The following ENDOV variants were observed in gnomAD, a reference collection of about 807,000 sequenced individuals.
ENDOV encodes the protein endonuclease V.
ENDOV carries 37 observed loss-of-function variants against 39.4 expected under a neutral mutation model. The ratio of observed to expected loss-of-function variants is 0.94; its 90% CI spans 0.72 to 1.23. The LOEUF (loss-of-function observed/expected upper bound fraction) is 1.23. Among genes scored for constraint, ENDOV ranks in the 50% most tolerant of loss-of-function variants. The pLI, the probability that ENDOV is intolerant of heterozygous loss-of-function variation, is 0.00. For missense variants in ENDOV, 441 were observed against 375.7 expected (o/e 1.17, Z -1.44); for synonymous variants, 186 against 163.4 (o/e 1.14, Z -1.05).
intron 8 of ENDOV, 58 bp from the exon 9 acceptor site, chr17:80,429,715 G>A (rs1046549325): frequency 1.5e-5 from 22 of 1,505,690 alleles, no homozygotes; most frequent in South Asian, 5.0e-5. Context: ...TGGGGTGTGA[G>A]GGGGTGTCAG....
At chr17:80,428,355 T>C in intron 7 of ENDOV, 1 of 549,166 alleles carries the variant, frequency 1.8e-6, no homozygotes, top group Non-Finnish European at 3.3e-6. Flanking sequence ...ACTCAGGCCC[T>C]TCAGGGACTG....
At chr17:80,415,452 C>A in intron 1 of ENDOV, 198 bp from the exon 2 acceptor site, 1 of 986,378 alleles carries the variant, frequency 1.0e-6, no homozygotes, top group Non-Finnish European at 1.5e-6. Flanking sequence ...CGCTTCCGGC[C>A]AGTTTGTCTG....
intron 8 of ENDOV, among the ~76,000 whole-genome samples, chr17:80,429,068 C>T (rs945383015): frequency 1.3e-5 from 2 of 152,206 alleles, no homozygotes; most frequent in Non-Finnish European, 2.9e-5. Context: ...TTGCACTCTT[C>T]GAGCCTCAGC....
At chr17:80,428,198 G>A (rs1432608857) in intron 7 of ENDOV, among the ~76,000 whole-genome samples, 1 of 152,238 alleles carries the variant, frequency 6.6e-6, no homozygotes, top group African/African-American at 2.4e-5. Flanking sequence ...AGCCCCCAGA[G>A]AAGCAAGTGT....
chr17:80,428,564 T>C, intron 7 of ENDOV, 32 bp from the exon 8 acceptor site: 1 of 1,561,498 alleles, frequency 6.4e-7, no homozygotes, highest in South Asian at 1.2e-5. Context: ...AGAGACCAGC[T>C]CAGCACCCAG....
chr17:80,420,910 C>G (rs2081920566), intron 2 of ENDOV, among the ~76,000 whole-genome samples: 1 of 152,226 alleles, frequency 6.6e-6, no homozygotes, highest in South Asian at 2.1e-4. Context: ...CTCCCAACCT[C>G]AGGTGATCGT....
rs1046976274 is a variant in ENDOV at position 80,415,199 on chromosome 17, C to T, written c.5C>T (p.Ala2Val). Residue 2 changes from alanine (A) to valine (V), a missense_variant, in exon 1 of 10, where the codon GCC becomes GTC. Transcript: ENST00000518137. M[A>V]LEAAGGPPEE... The stretch of plus-strand genomic sequence containing the variant: ...AGGGGTGCCCGGGACGAAGCCATGG[C>T]CCTGGAGGCGGCGGGAGGGCCGCCG... 1.1e-5 allele frequency: 17 copies of T among 1,613,178 alleles called. No individual in the cohort carries two copies. In the African/African-American group the frequency reaches 2.0e-4, roughly 19 times the overall value.
rs1328361268 is a variant in ENDOV at position 80,421,269 on chromosome 17, AATCTTCCTATGGACCGGGTCCCG to A, written c.229-558_229-536del. Among the ~76,000 whole-genome samples, 269 of 151,888 alleles carry A rather than the reference AATCTTCCTATGGACCGGGTCCCG, an allele frequency of 1.8e-3. 3 individuals carry two copies. The highest frequency in any genetic ancestry group is 5.1e-4 in the African/African-American group (21 of 41,354). On this transcript the variant is annotated intron_variant, in intron 2 of 9. Coordinates refer to ENST00000518137, the MANE Select transcript of ENDOV (RefSeq NM_173627.5). ...TCATCCTATGAACTAGATCCCGGGGAATCTTCCTATGGACCGGGTCCCGGGGAATCCTCATACAGACCAGATCC... is the reference window on the plus strand; with the variant it reads ...TCATCCTATGAACTAGATCCCGGGGAGGGAATCCTCATACAGACCAGATCC...
intron 7 of ENDOV, chr17:80,427,732 T>C: frequency 1.6e-6 from 2 of 1,289,224 alleles, no homozygotes; most frequent in Non-Finnish European, 2.0e-6. Context: ...GTTGGTCTGC[T>C]CTCTCCCTGG....
Position 80,421,905 on chromosome 17 carries a change from C to G in ENDOV, c.306C>G (p.Pro102=). ...GCTTCCTGGCCTTCCGAGAGGTGCC[C>G]TTCTTGCTGGAGCTGGTGCAGCAGC... is the stretch of plus-strand genomic sequence containing the variant. ...VSGFLAFREV[P]FLLELVQQLR... is the part of the protein sequence containing the mutation. The change falls in exon 3 of 10, where the codon CCC becomes CCG. Residue 102 remains proline (P), a synonymous_variant. Transcript: ENST00000518137. 2 of 1,611,024 alleles carry G rather than the reference C, an allele frequency of 1.2e-6. No homozygotes were observed. The highest frequency in any genetic ancestry group is 2.2e-5 in the East Asian group (1 of 44,828).
At chr17:80,431,936 C>T (rs143785605) in intron 9 of ENDOV, among the ~76,000 whole-genome samples, 99 of 152,228 alleles carry the variant, frequency 6.5e-4, no homozygotes, top group Non-Finnish European at 1.1e-3. Flanking sequence ...AGTTGACAGC[C>T]GGTGAGGCCG....
At position 80,415,295 on chromosome 17, in the gene ENDOV, G is replaced by A. The variant is rs779555034; in HGVS notation, c.56+45G>A. Reference sequence around the variant, plus strand: ...CGCAGGAGGCGGGGGCCGAGGCCGGGCGGCCCTTCGCGGACCCTCCGAGCT... The same window carrying A: ...CGCAGGAGGCGGGGGCCGAGGCCGGACGGCCCTTCGCGGACCCTCCGAGCT... On this transcript the variant is annotated intron_variant, in intron 1 of 9. Transcript: ENST00000518137. 5.6e-6 allele frequency: 9 copies of A among 1,599,134 alleles called. No homozygotes were observed. The East Asian group carries it at 2.0e-4, about 36-fold the overall frequency.
At chr17:80,430,841 C>T (rs1446752730) in intron 9 of ENDOV, among the ~76,000 whole-genome samples, 1 of 152,240 alleles carries the variant, frequency 6.6e-6, no homozygotes, top group Non-Finnish European at 1.5e-5. Flanking sequence ...TCAAAACTGT[C>T]TCCACTGTGG....
chr17:80,430,141 C>G (rs1430108245), intron 9 of ENDOV: 2 of 1,522,058 alleles, frequency 1.3e-6, no homozygotes, highest in Non-Finnish European at 1.8e-6. Flanking sequence ...CACGGCCCCT[C>G]TTTGCTCCGT....
intron 5 of ENDOV, chr17:80,424,459 T>C (rs2082436138): frequency 5.0e-6 from 2 of 398,020 alleles, no homozygotes; most frequent in Non-Finnish European, 8.9e-6. Context: ...ACAGCGGCCC[T>C]GGGCAGATTG....
chr17:80,426,322 G>A (rs1208329472), intron 7 of ENDOV, among the ~76,000 whole-genome samples: 1 of 152,214 alleles, frequency 6.6e-6, no homozygotes, highest in Admixed American at 6.5e-5. Context: ...GGAAGGGGAA[G>A]GACAGCCCTG....
chr17:80,431,858 G>A (rs920040010), intron 9 of ENDOV, among the ~76,000 whole-genome samples: 4 of 152,224 alleles, frequency 2.6e-5, no homozygotes, highest in Non-Finnish European at 4.4e-5. Flanking sequence ...CAGACAGGAA[G>A]GGCCTTGGAA....
chr17:80,416,673 C>G (rs2081227238), intron 2 of ENDOV, among the ~76,000 whole-genome samples: 1 of 151,924 alleles, frequency 6.6e-6, no homozygotes, highest in Non-Finnish European at 1.5e-5. Flanking sequence ...AAGTATTTTC[C>G]TCAAAAGCAA....
In ENDOV at chr17:80,422,238, C is replaced by T. The variant is rs1300982074; in HGVS notation, c.396C>T (p.His132=). The T allele has an allele frequency of 8.1e-6, 13 of 1,613,572 alleles. No individual in the cohort carries two copies. Among genetic ancestry groups the T allele is most frequent in the Non-Finnish European group, 1.1e-5 (13 of 1,179,822 alleles). The part of the protein sequence containing the change: ...VLLVDGNGVL[H]HRGFGVACHL... ...TTGTGGATGGAAACGGGGTACTCCA[C>T]CACCGAGGTAATCCTGCTCTTGGAG... Residue 132 remains histidine, a synonymous_variant, in exon 4 of 10, where the codon CAC becomes CAT. Coordinates refer to ENST00000518137, the MANE Select transcript of ENDOV (RefSeq NM_173627.5).
Sources: allele counts gnomAD v4.1 joint callset (sites outside exome capture counted in the v4.1 genomes callset), GRCh38; gene constraint gnomAD v4.1.1; transcripts MANE v1.5; gene names NCBI Gene and HGNC (gene_info 2026-07-23, HGNC 2026-07-21).